The following CASP6 variants were observed in gnomAD, a reference collection of about 807,000 sequenced individuals.
CASP6 encodes caspase 6, also known as caspase-6.
In CASP6, 20 loss-of-function variants were observed where a neutral mutation model predicts 31.8. The observed-to-expected ratio is 0.63, with a 90% CI of 0.44 to 0.91. The LOEUF (loss-of-function observed/expected upper bound fraction) is 0.91, where lower values mean the gene tolerates loss of function less well. Ranked by LOEUF, CASP6 falls within the 40% of genes least tolerant of loss-of-function variation. CASP6 has a pLI of 0.00. For missense variants in CASP6, 328 were observed against 361.1 expected (o/e 0.91, Z 0.74); for synonymous variants, 130 against 127.8 (o/e 1.02, Z -0.12).
At chr4:109,664,924 G>A in the CASP6 span, among the ~76,000 whole-genome samples, 5 of 143,578 alleles carry the variant, frequency 3.5e-5, no homozygotes, top group African/African-American at 1.3e-4. Flanking sequence ...ATACATGATT[G>A]TATAGCTCTT....
downstream of CASP6, among the ~76,000 whole-genome samples, chr4:109,686,964 G>GT (rs149021049): frequency 7.3e-3 from 1,086 of 148,558 alleles, 11 homozygotes; most frequent in Middle Eastern, 0.017. Context: ...TAGGTTAAGG[G>GT]TTTTTTTTTT....
upstream of CASP6, chr4:109,703,519 T>C: frequency 8.2e-7 from 1 of 1,219,358 alleles, no homozygotes; most frequent in Non-Finnish European, 1.1e-6. Flanking sequence ...GTGGGGCCAG[T>C]TGGTTCTGAT....
intron 2 of CASP6, 135 bp from the exon 3 acceptor site, chr4:109,697,903 G>C: frequency 2.1e-6 from 2 of 933,404 alleles, no homozygotes; most frequent in Non-Finnish European, 3.1e-6. Flanking sequence ...TGTGCTCCAG[G>C]AAAGGCCATG....
chr4:109,667,998 G>GA, the CASP6 span, among the ~76,000 whole-genome samples: 1 of 151,810 alleles, frequency 6.6e-6, no homozygotes, highest in Admixed American at 6.6e-5. Context: ...ACTGAGATCC[G>GA]AAAGCATACA....
chr4:109,698,396 A>G, intron 1 of CASP6, 54 bp from the exon 2 acceptor site: 1 of 1,500,452 alleles, frequency 6.7e-7, no homozygotes, highest in Non-Finnish European at 9.2e-7. Context: ...GCAGTAAAAT[A>G]TAGTAGGAAC....
At chr4:109,679,863 G>A in the CASP6 span, among the ~76,000 whole-genome samples, 2 of 152,096 alleles carry the variant, frequency 1.3e-5, no homozygotes, top group Non-Finnish European at 2.9e-5. Flanking sequence ...GTGCAGTGGT[G>A]CAATCTCGGC....
rs74973078 is a variant in CASP6 at position 109,702,112 on chromosome 4, G to T, written c.40+1244C>A. On this transcript the variant is annotated intron_variant, in intron 1 of 6. Transcript: ENST00000265164. ...GGGGAGTGCGGTGGAGGAAGAAGAG[G>T]AAGGGAGCAGGTGAGTGAAGGAAAG... 6.9e-3 allele frequency among the ~76,000 whole-genome samples: 1,048 copies of T among 152,284 alleles called. 11 individuals are homozygous for T. Among genetic ancestry groups the T allele is most frequent in the African/African-American group, 0.024 (1,014 of 41,562 alleles).
chr4:109,679,511 C>T, the CASP6 span, among the ~76,000 whole-genome samples: 1 of 152,108 alleles, frequency 6.6e-6, no homozygotes, highest in Non-Finnish European at 1.5e-5. Context: ...TCAGGAGTGG[C>T]AGCACGTGCC....
the CASP6 span, among the ~76,000 whole-genome samples, chr4:109,665,370 C>G: frequency 6.6e-6 from 1 of 152,084 alleles, no homozygotes; most frequent in African/African-American, 2.4e-5. Flanking sequence ...CTAACTCTTG[C>G]TTATATCAAT....
chr4:109,689,102 A>G lies in CASP6; in HGVS notation c.*228T>C. 5.2e-6 allele frequency: 2 copies of G among 382,338 alleles called. No homozygotes were observed. The highest frequency in any genetic ancestry group is 9.8e-6 in the Non-Finnish European group (2 of 204,894). The allele number at this position is 382,338 out of a possible 1,614,324, so 23.7% of individuals were successfully genotyped here. On this transcript the variant is annotated 3_prime_UTR_variant, in exon 7 of 7. Coordinates refer to ENST00000265164, the MANE Select transcript of CASP6 (RefSeq NM_001226.4). ...GTGATTCTCCTGCCTCAGCCTTCCA[A>G]GTAGCTGGGATTGCAGGCATGCGCC...
the CASP6 span, chr4:109,681,481 TGGGCC>T: frequency 6.6e-6 from 3 of 453,556 alleles, no homozygotes; most frequent in Admixed American, 4.7e-5. Flanking sequence ...AAGATGGTCG[TGGGCC>T]ACTTCCAAGA....
At chr4:109,685,649 T>A (rs1729823558), downstream of CASP6, among the ~76,000 whole-genome samples, 2 of 152,162 alleles carry the variant, frequency 1.3e-5, no homozygotes, top group Admixed American at 6.5e-5. Flanking sequence ...TCTAAGCAAA[T>A]AATAAAAAAT....
chr4:109,690,735 C>T (rs1730023975), intron 6 of CASP6, 115 bp downstream of exon 6: 4 of 1,047,626 alleles, frequency 3.8e-6, no homozygotes, highest in South Asian at 1.7e-5. Flanking sequence ...CTGTGAGCTT[C>T]AGGATGGAAT....
At chr4:109,706,213 T>C (rs1297511249), upstream of CASP6, among the ~76,000 whole-genome samples, 1 of 138,730 alleles carries the variant, frequency 7.2e-6, no homozygotes, top group Non-Finnish European at 1.5e-5. Flanking sequence ...TACATAGGTA[T>C]ATGCATATAT....
At chr4:109,705,991 AAAAAAAAAAAATATAT>A (rs1278551286), upstream of CASP6, among the ~76,000 whole-genome samples, 20 of 68,690 alleles carry the variant, frequency 2.9e-4, no homozygotes, top group South Asian at 3.0e-3. Flanking sequence ...AAAAAAAAAA[AAAAAAAAAAAATATAT>A]ATATATATAT....
At chr4:109,685,077 A>C (rs1051823362), downstream of CASP6, 27 of 476,638 alleles carry the variant, frequency 5.7e-5, no homozygotes, top group African/African-American at 3.8e-4. Flanking sequence ...GCAGATCTTA[A>C]ATGAGACTAA....
upstream of CASP6, among the ~76,000 whole-genome samples, chr4:109,706,567 AAAG>A (rs753992744): frequency 3.8e-4 from 58 of 152,274 alleles, no homozygotes; most frequent in Non-Finnish European, 6.8e-4. Flanking sequence ...CCCAATTTTG[AAAG>A]AAGGTCTGTG....
chr4:109,686,006 T>G (rs1020450233), downstream of CASP6, among the ~76,000 whole-genome samples: 2 of 152,218 alleles, frequency 1.3e-5, no homozygotes, highest in Admixed American at 1.3e-4. Flanking sequence ...GGTAAAAATA[T>G]CCTCCATTGC....
chr4:109,679,769 C>T, the CASP6 span, among the ~76,000 whole-genome samples: 1 of 151,950 alleles, frequency 6.6e-6, no homozygotes, highest in African/African-American at 2.4e-5. Flanking sequence ...AACTTTCTCT[C>T]CCGCTTTGAG....
Sources: gnomAD v4.1 joint callset for allele counts (sites outside exome capture counted in the v4.1 genomes callset) on GRCh38, gnomAD v4.1.1 for gene constraint, MANE v1.5 for transcripts, NCBI Gene and HGNC (gene_info 2026-07-23, HGNC 2026-07-21) for gene names.